The following GTF2IRD1 variants were observed in gnomAD, a reference collection of about 807,000 sequenced individuals.
GTF2IRD1 encodes general transcription factor II-I repeat domain-containing protein 1.
In GTF2IRD1, 26 loss-of-function variants were observed where a neutral mutation model predicts 113.2. The observed-to-expected ratio is 0.23, with a 90% CI of 0.17 to 0.32. The LOEUF (loss-of-function observed/expected upper bound fraction) is 0.32. Among genes scored for constraint, GTF2IRD1 ranks in the 10% least tolerant of loss-of-function variants. The probability of loss-of-function intolerance (pLI) is 1.00; values close to 1 mark genes in which losing one functional copy is unlikely to be tolerated. For missense variants in GTF2IRD1, 864 were observed against 1,280.8 expected, an observed-to-expected ratio of 0.67 and a Z score of 4.97; for synonymous variants, 484 against 529.1, an observed-to-expected ratio of 0.91 and a Z score of 1.17.
intron 22 of GTF2IRD1, chr7:74,571,040 C>G (rs1800668160): frequency 3.2e-6 from 3 of 948,074 alleles, no homozygotes; most frequent in African/African-American, 3.5e-5. Context: ...TAGTTCTCCT[C>G]TCACCCTGGG....
At chr7:74,529,638 G>T in intron 8 of GTF2IRD1, 96 bp from the exon 9 acceptor site, 1 of 929,868 alleles carries the variant, frequency 1.1e-6, no homozygotes, top group Admixed American at 2.2e-5. Flanking sequence ...AGAGTGGAGT[G>T]GGGACGGTGG....
At position 74,487,786 on chromosome 7, in the gene GTF2IRD1, C is replaced by T. The variant is rs534293939; in HGVS notation, c.-6-20289C>T. Among the ~76,000 whole-genome samples the T allele has an allele frequency of 2.6e-5, 4 of 152,284 alleles. No individual in the cohort carries two copies. The South Asian group carries it at 8.3e-4, about 32-fold the overall frequency. On this transcript the variant is annotated intron_variant, in intron 1 of 26. Coordinates refer to ENST00000424337, the MANE Select transcript of GTF2IRD1 (RefSeq NM_005685.4). ...TCTGTGGCAATGTTGAACAAAACAA[C>T]TTATACATAATGCATTTTTATATTT...
At chr7:74,537,422 AAAC>A (rs1798362807) in intron 11 of GTF2IRD1, among the ~76,000 whole-genome samples, 1 of 152,082 alleles carries the variant, frequency 6.6e-6, no homozygotes, top group Non-Finnish European at 1.5e-5. Flanking sequence ...CAAAAAAAAA[AAAC>A]AAAAAAAACA....
intron 15 of GTF2IRD1, 49 bp from the exon 16 acceptor site, chr7:74,545,695 C>A: frequency 1.4e-6 from 2 of 1,441,158 alleles, no homozygotes; most frequent in Non-Finnish European, 2.0e-6. Context: ...GAACATCAGC[C>A]GAGAAGCTGC....
chr7:74,455,549 G>C (rs938597623), intron 1 of GTF2IRD1, among the ~76,000 whole-genome samples: 1 of 152,212 alleles, frequency 6.6e-6, no homozygotes, highest in Non-Finnish European at 1.5e-5. Context: ...CTAAGCAGGA[G>C]GAGGTGGCTG....
intron 22 of GTF2IRD1, among the ~76,000 whole-genome samples, chr7:74,585,261 A>C (rs1270720005): frequency 6.8e-6 from 1 of 147,988 alleles, no homozygotes; most frequent in Non-Finnish European, 1.5e-5. Flanking sequence ...ACAGGCATGC[A>C]CCACCACGCC....
chr7:74,597,801 C>T (rs1228754845), intron 25 of GTF2IRD1, among the ~76,000 whole-genome samples: 1 of 152,218 alleles, frequency 6.6e-6, no homozygotes, highest in African/African-American at 2.4e-5. Flanking sequence ...GTAGACCCTG[C>T]TCTCAGGACC....
intron 22 of GTF2IRD1, among the ~76,000 whole-genome samples, chr7:74,568,476 G>A (rs1250619833): frequency 5.3e-5 from 8 of 151,844 alleles, no homozygotes; most frequent in Non-Finnish European, 1.2e-4. Flanking sequence ...GTGAAACCCC[G>A]TCTCTACTAA....
intron 16 of GTF2IRD1, among the ~76,000 whole-genome samples, chr7:74,546,182 T>G (rs1798922553): frequency 6.6e-6 from 1 of 150,638 alleles, no homozygotes; most frequent in Non-Finnish European, 1.5e-5. Context: ...CTCAGTGGTG[T>G]GCCGGGCATG....
At chr7:74,496,429 ATGTG>A (rs1205416665) in intron 1 of GTF2IRD1, among the ~76,000 whole-genome samples, 5 of 130,088 alleles carry the variant, frequency 3.8e-5, no homozygotes, top group Admixed American at 7.9e-5. Context: ...ATGTGTGTGC[ATGTG>A]TGTATGCATT....
At chr7:74,475,577 A>G (rs1794352968) in intron 1 of GTF2IRD1, among the ~76,000 whole-genome samples, 1 of 152,122 alleles carries the variant, frequency 6.6e-6, no homozygotes, top group South Asian at 2.1e-4. Context: ...GACTCCTCCA[A>G]GTTGCTCTGT....
At chr7:74,470,944 C>T (rs1794047000) in intron 1 of GTF2IRD1, among the ~76,000 whole-genome samples, 1 of 152,184 alleles carries the variant, frequency 6.6e-6, no homozygotes, top group Admixed American at 6.6e-5. Flanking sequence ...GCTGGGACAA[C>T]AGGCGTGCCA....
intron 1 of GTF2IRD1, among the ~76,000 whole-genome samples, chr7:74,473,249 T>TG (rs782744339): frequency 1.3e-5 from 2 of 152,238 alleles, no homozygotes; most frequent in East Asian, 3.9e-4. Context: ...GAGAACCTGG[T>TG]GGGGGCAGGG....
At chr7:74,459,587 C>T (rs1221416076) in intron 1 of GTF2IRD1, among the ~76,000 whole-genome samples, 1 of 152,180 alleles carries the variant, frequency 6.6e-6, no homozygotes. Flanking sequence ...GAGCTGGGGC[C>T]TGGCTGACCC....
At chr7:74,524,430 T>C (rs1797476681) in intron 8 of GTF2IRD1, among the ~76,000 whole-genome samples, 1 of 151,966 alleles carries the variant, frequency 6.6e-6, no homozygotes, top group Admixed American at 6.6e-5. Flanking sequence ...GGGGCAGAGA[T>C]TACCCATCTG....
rs1274842152 is a variant in GTF2IRD1, at chr7:74,564,880, G to A, written c.2320+5225G>A. Among the ~76,000 whole-genome samples the A allele has an allele frequency of 2.6e-5, 4 of 152,160 alleles. No individual in the cohort carries two copies. In the East Asian group the frequency reaches 5.8e-4, roughly 22 times the overall value. ...TGCCTGCTCTGACATGCTGAGTGGC[G>A]GGCAGGCGTCTAGCTTGAGAGGAAG... is the stretch of plus-strand genomic sequence containing the variant. On this transcript the variant is annotated intron_variant, in intron 22 of 26. Coordinates refer to ENST00000424337, the MANE Select transcript of GTF2IRD1 (RefSeq NM_005685.4).
intron 17 of GTF2IRD1, among the ~76,000 whole-genome samples, chr7:74,552,245 AGGTGGC>A (rs1799352320): frequency 6.6e-6 from 1 of 151,108 alleles, no homozygotes; most frequent in Non-Finnish European, 1.5e-5. Flanking sequence ...AGGCCAGGAG[AGGTGGC>A]TCACGCCTGT....
intron 8 of GTF2IRD1, among the ~76,000 whole-genome samples, chr7:74,526,067 C>T (rs1320559115): frequency 6.6e-6 from 1 of 152,202 alleles, no homozygotes; most frequent in East Asian, 1.9e-4. Context: ...TGCACCTGCC[C>T]CTGAGTCTCT....
At position 74,518,215 on chromosome 7, in the gene GTF2IRD1, G is replaced by T. The variant is rs1308417465; in HGVS notation, c.498G>T (p.Val166=). 3.7e-6 allele frequency: 6 copies of T among 1,611,360 alleles called. No individual in the cohort carries two copies. The highest frequency in any genetic ancestry group is 4.2e-6 in the Non-Finnish European group (5 of 1,179,258). The change falls in exon 5 of 27, where the codon GTG becomes GTT. Residue 166 remains valine (V), a synonymous_variant. Transcript: ENST00000424337. ...RLLREPGLLA[V]QGLPEGLAFR... Reference sequence around the variant, plus strand: ...TCAGGGAGCCAGGGCTGCTGGCCGTGCAGGGGCTGCCCGAAGGCCTGGCCT... The same window carrying T: ...TCAGGGAGCCAGGGCTGCTGGCCGTTCAGGGGCTGCCCGAAGGCCTGGCCT...
Sources: allele counts gnomAD v4.1 joint callset (sites outside exome capture counted in the v4.1 genomes callset), GRCh38; gene constraint gnomAD v4.1.1; transcripts MANE v1.5; gene names NCBI Gene and HGNC (gene_info 2026-07-23, HGNC 2026-07-21).